Variants in CYP27B1 observed in about 807,000 individuals in gnomAD.
CYP27B1 encodes 25-hydroxyvitamin D-1 alpha hydroxylase, mitochondrial.
In CYP27B1, 46 loss-of-function variants were observed where a neutral mutation model predicts 54.8. The observed-to-expected ratio is 0.84, with a 90% CI of 0.66 to 1.07. The LOEUF is 1.07. Ranked by LOEUF, CYP27B1 falls within the 50% of genes least tolerant of loss-of-function variation. The pLI is 0.00. For synonymous variants in CYP27B1, 292 were observed against 297.3 expected (o/e 0.98, Z 0.18); for missense variants, 674 against 692.2 (o/e 0.97, Z 0.30).
chr12:57,766,201 G>A lies in CYP27B1; in HGVS notation c.196-4C>T. On this transcript the variant is annotated splice_region_variant and splice_polypyrimidine_tract_variant and intron_variant, in intron 1 of 8. Transcript: ENST00000228606. ...CGAAGTGCGCGGCGCCCTGCACCTGGGGGAGCGGACACAGCGGACACTTGG... is the reference window on the plus strand; with the variant it reads ...CGAAGTGCGCGGCGCCCTGCACCTGAGGGAGCGGACACAGCGGACACTTGG... The A allele has an allele frequency of 6.5e-7, 1 of 1,533,390 alleles. No homozygotes were observed. Among genetic ancestry groups the A allele is most frequent in the East Asian group, 2.5e-5 (1 of 40,296 alleles). 95.0% of individuals were successfully genotyped at this position (1,533,390 alleles called of 1,614,324 possible).
chr12:57,763,392 G>A, intron 8 of CYP27B1, 137 bp from the exon 9 acceptor site: 2 of 852,810 alleles, frequency 2.3e-6, no homozygotes, highest in East Asian at 5.3e-5. Context: ...GGCCAGTAGG[G>A]GACTTCTTGG....
chr12:57,763,189 C>A lies in CYP27B1; in HGVS notation c.1480G>T (p.Val494Phe). 6.2e-7 allele frequency: 1 copy of A among 1,614,186 alleles called. No homozygotes were observed. Among genetic ancestry groups the A allele is most frequent in the Non-Finnish European group, 8.5e-7 (1 of 1,180,004 alleles). ...TTGATGCTCCTTTCAGGTACCAGGA[C>A]AGTCCGGGTCTTGGGTCTAACTGGG... is the stretch of plus-strand genomic sequence containing the variant. Reference protein sequence around the residue: ...AAPVRPKTRTVLVPERSINLQ... With the variant: ...AAPVRPKTRTFLVPERSINLQ... The change falls in exon 9 of 9, where the codon GTC becomes TTC. Residue 494 changes from valine (V) to phenylalanine (F), a missense_variant. Coordinates refer to ENST00000228606, the MANE Select transcript of CYP27B1 (RefSeq NM_000785.4).
At position 57,764,936 on chromosome 12, in the gene CYP27B1, T is replaced by C. The variant is rs749577015; in HGVS notation, c.791-10A>G. The C allele has an allele frequency of 6.2e-7, 1 of 1,614,048 alleles. No individual in the cohort carries two copies. The highest frequency in any genetic ancestry group is 8.5e-7 in the Non-Finnish European group (1 of 1,180,008). On this transcript the variant is annotated splice_polypyrimidine_tract_variant and intron_variant, in intron 4 of 8. Transcript: ENST00000228606. Reference sequence around the variant, plus strand: ...TCCACGTGCCTCTGAGCTGCGTGGGTAGAAGGCACGTGAATACCTCGCTAC... The same window carrying C: ...TCCACGTGCCTCTGAGCTGCGTGGGCAGAAGGCACGTGAATACCTCGCTAC...
At position 57,763,984 on chromosome 12, in the gene CYP27B1, G is replaced by C. The variant is rs1202907317; in HGVS notation, c.1215+114C>G. On this transcript the variant is annotated intron_variant, in intron 7 of 8. Transcript: ENST00000228606. Reference sequence around the variant, plus strand: ...TTACATCCTAGAAAGGCATATCCTAGAGAGGGGTCAAGGGGAGTGTTTGAA... The same window carrying C: ...TTACATCCTAGAAAGGCATATCCTACAGAGGGGTCAAGGGGAGTGTTTGAA... The C allele has an allele frequency of 4.6e-6, 5 of 1,097,448 alleles. No homozygotes were observed. In the African/African-American group the frequency reaches 6.2e-5, roughly 14 times the overall value. 68.0% of individuals were successfully genotyped at this position (1,097,448 alleles called of 1,614,324 possible). A position where few individuals can be genotyped will look rare whatever the true frequency, so the allele number is the denominator to read the frequency against.
rs1955355564 is a variant in CYP27B1, at chr12:57,765,823, G to C, written c.386+184C>G. ...GCCTCAAAGGATAAGGAGGTAGGCG[G>C]GGAGTGAGGTTGGGGCTCAACCTGA... On this transcript the variant is annotated intron_variant, in intron 2 of 8. Transcript: ENST00000228606. The surrounding 1 kb of genome is among the most constrained non-coding windows in gnomAD (Gnocchi z 5.8). The C allele has an allele frequency of 8.4e-7, 1 of 1,194,898 alleles. No individual in the cohort carries two copies. Among genetic ancestry groups the C allele is most frequent in the Non-Finnish European group, 1.1e-6 (1 of 879,200 alleles). 74.0% of individuals were successfully genotyped at this position (1,194,898 alleles called of 1,614,324 possible). A position where few individuals can be genotyped will look rare whatever the true frequency, so the allele number is the denominator to read the frequency against.
chr12:57,765,386 C>T lies in CYP27B1; in HGVS notation c.500G>A (p.Arg167Gln). ...ACGTCCCCGCTGGCGCCTCAGACGCCGCACAAGGTCGCAGACTACGTTGTT... is the reference window on the plus strand; with the variant it reads ...ACGTCCCCGCTGGCGCCTCAGACGCTGCACAAGGTCGCAGACTACGTTGTT... Reference protein sequence around the residue: ...TLNNVVCDLVRRLRRQRGRGT... With the variant: ...TLNNVVCDLVQRLRRQRGRGT... The change falls in exon 3 of 9, where the codon CGG becomes CAG. Residue 167 changes from arginine (R) to glutamine (Q), a missense_variant. Coordinates refer to ENST00000228606, the MANE Select transcript of CYP27B1 (RefSeq NM_000785.4). The surrounding 1 kb of genome is among the most constrained non-coding windows in gnomAD (Gnocchi z 5.8). 1 of 1,613,246 alleles carries T rather than the reference C, an allele frequency of 6.2e-7. No individual in the cohort carries two copies. Among genetic ancestry groups the T allele is most frequent in the Non-Finnish European group, 8.5e-7 (1 of 1,179,690 alleles).
chr12:57,764,717 C>A (rs1955344215), intron 5 of CYP27B1, 37 bp downstream of exon 5: 10 of 1,613,624 alleles, frequency 6.2e-6, no homozygotes, highest in Non-Finnish European at 8.5e-6. Flanking sequence ...GAGGCTAAGC[C>A]CTGGAACCGG....
chr12:57,763,506 C>A, intron 8 of CYP27B1, 105 bp downstream of exon 8: 1 of 1,054,178 alleles, frequency 9.5e-7, no homozygotes, highest in Non-Finnish European at 1.5e-6. Flanking sequence ...ATTCATTCTA[C>A]CAGGTCTTAT....
At chr12:57,763,506 C>G (rs1217371141) in intron 8 of CYP27B1, 105 bp downstream of exon 8, 50 of 1,054,060 alleles carry the variant, frequency 4.7e-5, no homozygotes, top group Non-Finnish European at 6.0e-6. Context: ...ATTCATTCTA[C>G]CAGGTCTTAT....
At position 57,765,769 on chromosome 12, in the gene CYP27B1, CT is replaced by C; in HGVS notation, c.386+237del. ...AGATCCTTGTACCCTAGCCCAATTC[CT>C]CCGGTTCCCCCAGTTCCCAGGATTC... On this transcript the variant is annotated intron_variant, in intron 2 of 8. Coordinates refer to ENST00000228606, the MANE Select transcript of CYP27B1 (RefSeq NM_000785.4). This position sits in a 1 kb window ranked among gnomAD's most constrained non-coding sequence, Gnocchi z 5.8. 1.2e-6 allele frequency: 1 copy of C among 861,192 alleles called. No homozygotes were observed. Among genetic ancestry groups the C allele is most frequent in the Non-Finnish European group, 1.8e-6 (1 of 568,506 alleles). The allele number at this position is 861,192 out of a possible 1,614,324, so 53.3% of individuals were successfully genotyped here.
intron 8 of CYP27B1, 135 bp from the exon 9 acceptor site, chr12:57,763,390 G>T: frequency 1.2e-6 from 1 of 860,352 alleles, no homozygotes; most frequent in Non-Finnish European, 1.9e-6. Context: ...GTGGCCAGTA[G>T]GGGACTTCTT....
Position 57,764,107 on chromosome 12 carries a change from G to A in CYP27B1, c.1206C>T (p.Ile402=), listed in dbSNP as rs1225299354. ...DKDIHVGDYI[I]PKNTLVTLCH... ...CATAGGCTTTACTCACATTTTTGGG[G>A]ATAATATAGTCACCCACATGAATGT... is the stretch of plus-strand genomic sequence containing the variant. The change falls in exon 7 of 9, where the codon ATC becomes ATT. Residue 402 remains isoleucine (I), a synonymous_variant. Coordinates refer to ENST00000228606, the MANE Select transcript of CYP27B1 (RefSeq NM_000785.4). 6.2e-7 allele frequency: 1 copy of A among 1,612,262 alleles called. No individual in the cohort carries two copies. The highest frequency in any genetic ancestry group is 8.5e-7 in the Non-Finnish European group (1 of 1,178,326).
Position 57,764,725 on chromosome 12 carries a change from C to T in CYP27B1, c.963+29G>A, listed in dbSNP as rs562210715. The stretch of plus-strand genomic sequence containing the variant: ...GTCTGCGGAGGCTAAGCCCTGGAAC[C>T]GGCTCACAGCACGGAGGGAGAACCT... On this transcript the variant is annotated intron_variant, in intron 5 of 8. Coordinates refer to ENST00000228606, the MANE Select transcript of CYP27B1 (RefSeq NM_000785.4). 1.8e-5 allele frequency: 29 copies of T among 1,613,902 alleles called. No homozygotes were observed. In the East Asian group the frequency reaches 2.7e-4, roughly 15 times the overall value.
intron 6 of CYP27B1, 47 bp downstream of exon 6, chr12:57,764,331 G>T (rs1955340948): frequency 1.2e-6 from 2 of 1,611,046 alleles, no homozygotes; most frequent in Non-Finnish European, 1.7e-6. Context: ...TGCTTCCCCA[G>T]CCCTTCCTTG....
Position 57,763,780 on chromosome 12 carries a change from G to A in CYP27B1, c.1244C>T (p.Thr415Ile), listed in dbSNP as rs753823609. ...NTLVTLCHYATSRDPAQFPEP... is the reference protein window; with the variant it reads ...NTLVTLCHYAISRDPAQFPEP... ...TGGGAACTGGGCAGGGTCCCTTGAA[G>A]TGGCATAGTGACACAGAGTGACCAG... The change falls in exon 8 of 9, where the codon ACT becomes ATT. Residue 415 changes from threonine (T) to isoleucine (I), a missense_variant. By Grantham distance (89) the Thr-to-Ile change is moderately conservative. Transcript: ENST00000228606. 8 of 1,614,096 alleles carry A rather than the reference G, an allele frequency of 5.0e-6. No individual in the cohort carries two copies. The highest frequency in any genetic ancestry group is 5.9e-6 in the Non-Finnish European group (7 of 1,180,044).
chr12:57,765,131 C>A lies in CYP27B1; in HGVS notation c.670G>T (p.Ala224Ser), dbSNP rs367743385. ...GTGGACACAAACACCGAGCCCACAG[C>A]GCGGATGAAGGTCTCCGTGTCGGGT... ...VPPDTETFIR[A>S]VGSVFVSTLL... is the part of the protein sequence containing the mutation. The change falls in exon 4 of 9, where the codon GCT becomes TCT. Residue 224 changes from alanine (A) to serine (S), a missense_variant. Ala to Ser is a moderately conservative substitution (Grantham distance 99). Transcript: ENST00000228606. This position sits in a 1 kb window ranked among gnomAD's most constrained non-coding sequence, Gnocchi z 5.8. 4.6e-5 allele frequency: 74 copies of A among 1,613,762 alleles called. No homozygotes were observed. The highest frequency in any genetic ancestry group is 5.8e-5 in the Non-Finnish European group (69 of 1,179,994).
At position 57,765,343 on chromosome 12, in the gene CYP27B1, G is replaced by C. The variant is rs762932963; in HGVS notation, c.543C>G (p.Ala181=). ...RQRGRGTGPP[A]LVRDVAGEFY... ...ATTCCCCCGCCACGTCCCGAACCAG[G>C]GCGGGCGGCCCCGTGCCACGTCCCC... The change falls in exon 3 of 9, where the codon GCC becomes GCG. Residue 181 remains alanine (A), a synonymous_variant. Transcript: ENST00000228606. This position sits in a 1 kb window ranked among gnomAD's most constrained non-coding sequence, Gnocchi z 5.8. 1 of 1,613,474 alleles carries C rather than the reference G, an allele frequency of 6.2e-7. No homozygotes were observed. The highest frequency in any genetic ancestry group is 8.5e-7 in the Non-Finnish European group (1 of 1,179,828).
intron 5 of CYP27B1, 99 bp from the exon 6 acceptor site, chr12:57,764,649 CT>C (rs1306066387): frequency 2.5e-6 from 4 of 1,591,712 alleles, no homozygotes; most frequent in Non-Finnish European, 3.4e-6. Flanking sequence ...CTAAGCCAAG[CT>C]GGTCTACGTG....
intron 8 of CYP27B1, 48 bp downstream of exon 8, chr12:57,763,563 G>A: frequency 6.6e-7 from 1 of 1,520,182 alleles, no homozygotes; most frequent in Non-Finnish European, 9.1e-7. Flanking sequence ...ACTTTAGAGG[G>A]TTAGGGTCTC....
Sources: gnomAD v4.1 joint callset for allele counts on GRCh38, gnomAD v4.1.1 for gene constraint, Gnocchi (gnomAD v3.1) non-coding constraint, MANE v1.5 for transcripts, NCBI Gene and HGNC (gene_info 2026-07-23, HGNC 2026-07-21) for gene names.